Variants in ACMSD observed in about 807,000 individuals in gnomAD.
ACMSD encodes the protein 2-amino-3-carboxymuconate-6-semialdehyde decarboxylase.
A neutral mutation model predicts 45.9 loss-of-function variants in ACMSD; 37 were observed. The ratio of observed to expected loss-of-function variants is 0.81; its 90% confidence interval spans 0.62 to 1.06. The LOEUF is 1.06. Among genes scored for constraint, ACMSD ranks in the 50% least tolerant of loss-of-function variants. ACMSD has a pLI of 0.00. For synonymous variants in ACMSD, 138 were observed against 148.8 expected (o/e 0.93, Z 0.53); for missense variants, 434 against 420.9 (o/e 1.03, Z -0.27).
chr2:134,894,947 C>T (rs1032095460), intron 8 of ACMSD, among the ~76,000 whole-genome samples: 10 of 151,942 alleles, frequency 6.6e-5, no homozygotes, highest in East Asian at 5.8e-4. Flanking sequence ...ATGAATAATC[C>T]ATAAATGAAA....
chr2:134,880,689 T>G (rs932464362), intron 8 of ACMSD, among the ~76,000 whole-genome samples: 1 of 152,160 alleles, frequency 6.6e-6, no homozygotes. Flanking sequence ...TGATTATCCC[T>G]GCAAGTCTTC....
chr2:134,878,753 A>C (rs911433851), intron 8 of ACMSD, among the ~76,000 whole-genome samples: 1 of 152,172 alleles, frequency 6.6e-6, no homozygotes, highest in African/African-American at 2.4e-5. Flanking sequence ...CCAAAGGTTT[A>C]CTTTCCTTTT....
chr2:134,848,704 G>A (rs1221848446), intron 2 of ACMSD, among the ~76,000 whole-genome samples: 1 of 152,004 alleles, frequency 6.6e-6, no homozygotes, highest in Non-Finnish European at 1.5e-5. Context: ...GATTGCAAAA[G>A]CTTCCTCCCA....
intron 8 of ACMSD, among the ~76,000 whole-genome samples, chr2:134,881,239 G>A (rs913948259): frequency 6.6e-6 from 1 of 152,222 alleles, no homozygotes; most frequent in African/African-American, 2.4e-5. Context: ...GACCTCAGGT[G>A]ATCTGCCTGC....
rs1553513364 is a variant in ACMSD at position 134,871,125 on chromosome 2, G to A, written c.676+65G>A. 19 of 1,368,192 alleles carry A rather than the reference G, an allele frequency of 1.4e-5. No individual in the cohort carries two copies. In the South Asian group the frequency reaches 1.4e-4, roughly 10 times the overall value. The allele number at this position is 1,368,192 out of a possible 1,614,324, so 84.8% of individuals were successfully genotyped here. A position where few individuals can be genotyped will look rare whatever the true frequency, so the allele number is the denominator to read the frequency against. On this transcript the variant is annotated intron_variant, in intron 7 of 9. Transcript: ENST00000356140. Reference sequence around the variant, plus strand: ...ACAAAATCCCACAGATGGGGTGACTGTAAGAAAACAGAAATTTATTTTCTC... The same window carrying A: ...ACAAAATCCCACAGATGGGGTGACTATAAGAAAACAGAAATTTATTTTCTC...
intron 2 of ACMSD, among the ~76,000 whole-genome samples, chr2:134,846,509 TCCTCCCA>T (rs1276477966): frequency 6.6e-6 from 1 of 152,148 alleles, no homozygotes; most frequent in Non-Finnish European, 1.5e-5. Flanking sequence ...GTTTAAGTGA[TCCTCCCA>T]CCTCAGCTTC....
intron 2 of ACMSD, among the ~76,000 whole-genome samples, chr2:134,850,520 G>T (rs1014429280): frequency 2.6e-5 from 4 of 152,090 alleles, no homozygotes; most frequent in African/African-American, 9.7e-5. Flanking sequence ...CACCTGCTTC[G>T]TCCCCCCAGA....
At chr2:134,891,301 T>G (rs1559068771) in intron 8 of ACMSD, among the ~76,000 whole-genome samples, 1 of 152,120 alleles carries the variant, frequency 6.6e-6, no homozygotes, top group Admixed American at 6.6e-5. Context: ...CATCTTCAGT[T>G]GATTTTTATA....
chr2:134,891,874 T>G (rs1689804419), intron 8 of ACMSD, among the ~76,000 whole-genome samples: 1 of 152,158 alleles, frequency 6.6e-6, no homozygotes, highest in South Asian at 2.1e-4. Flanking sequence ...GTCATATATA[T>G]GCACAATGGA....
At chr2:134,886,350 G>A (rs368499770) in intron 8 of ACMSD, among the ~76,000 whole-genome samples, 1 of 148,108 alleles carries the variant, frequency 6.8e-6, no homozygotes, top group East Asian at 2.0e-4. Flanking sequence ...CCGGGTTCAC[G>A]CCATTCTCCT....
At chr2:134,874,063 C>A (rs957487560) in intron 8 of ACMSD, among the ~76,000 whole-genome samples, 1 of 152,202 alleles carries the variant, frequency 6.6e-6, no homozygotes, top group African/African-American at 2.4e-5. Flanking sequence ...ACTATCAGCA[C>A]CTTCAGCGAG....
At chr2:134,891,445 C>T (rs1298912265) in intron 8 of ACMSD, among the ~76,000 whole-genome samples, 1 of 151,910 alleles carries the variant, frequency 6.6e-6, no homozygotes, top group African/African-American at 2.4e-5. Flanking sequence ...AGACACACTT[C>T]AAAAGAAGAC....
Position 134,872,460 on chromosome 2 carries a change from T to G in ACMSD, c.677-9T>G. 6.2e-7 allele frequency: 1 copy of G among 1,614,156 alleles called. No individual in the cohort carries two copies. On this transcript the variant is annotated splice_polypyrimidine_tract_variant and intron_variant, in intron 7 of 9. Transcript: ENST00000356140. ...ACACTAGCCCCTCAGTAATGGGTTT[T>G]ACTTGCAGGTGGTGCCTTCCCCTTC...
In ACMSD at chr2:134,862,147, G is replaced by C. The variant is rs1687878397; in HGVS notation, c.249+129G>C. 6 of 974,516 alleles carry C rather than the reference G, an allele frequency of 6.2e-6. No individual in the cohort carries two copies. In the East Asian group the frequency reaches 1.4e-4, roughly 23 times the overall value. The allele number at this position is 974,516 out of a possible 1,614,324, so 60.4% of individuals were successfully genotyped here. On this transcript the variant is annotated intron_variant, in intron 4 of 9. Coordinates refer to ENST00000356140, the MANE Select transcript of ACMSD (RefSeq NM_138326.3). ...CCCCCAACAACTGTCCTCCCCTTTA[G>C]CGATCAGCAGGGTCCCCTCTCAGGC...
In ACMSD at chr2:134,863,539, T is replaced by C. The variant is rs769991233; in HGVS notation, c.394T>C (p.Cys132Arg). The change falls in exon 5 of 10, where the codon TGT becomes CGT. Residue 132 changes from cysteine to arginine, a missense_variant. Transcript: ENST00000356140. ...PELAVKEMER[C>R]VKELGFPGVQ... ...GCTGGCGGTCAAGGAGATGGAGCGC[T>C]GTGTGAAAGAGCTGGGCTTTCCCGG... is the stretch of plus-strand genomic sequence containing the variant. The C allele has an allele frequency of 8.7e-6, 14 of 1,614,104 alleles. No homozygotes were observed. The South Asian group carries it at 1.5e-4, about 18-fold the overall frequency.
intron 8 of ACMSD, among the ~76,000 whole-genome samples, chr2:134,897,603 C>T (rs140510846): frequency 1.3e-5 from 2 of 152,050 alleles, no homozygotes; most frequent in East Asian, 3.9e-4. Context: ...GATAAATTGC[C>T]ATTATTGACA....
chr2:134,869,444 C>G (rs1004982305), intron 6 of ACMSD, among the ~76,000 whole-genome samples: 1 of 152,076 alleles, frequency 6.6e-6, no homozygotes, highest in Non-Finnish European at 1.5e-5. Context: ...AACTCCTGAC[C>G]TCAAGTGATC....
intron 8 of ACMSD, among the ~76,000 whole-genome samples, chr2:134,892,629 T>C (rs1689863090): frequency 6.6e-6 from 1 of 152,148 alleles, no homozygotes. Flanking sequence ...TAAATCCATC[T>C]GGAAGCCTAG....
Position 134,867,471 on chromosome 2 carries a change from G to A in ACMSD, c.487-108G>A, listed in dbSNP as rs1171119431. 43 of 753,506 alleles carry A rather than the reference G, an allele frequency of 5.7e-5. No individual in the cohort carries two copies. The East Asian group carries it at 1.1e-3, about 19-fold the overall frequency. The allele number at this position is 753,506 out of a possible 1,614,324, so 46.7% of individuals were successfully genotyped here. On this transcript the variant is annotated intron_variant, in intron 5 of 9. Transcript: ENST00000356140. ...ACTTAAAAAGCATTTTAGTTTATTT[G>A]TGCAGACCAATATAGACTCAGAGAA...
Sources: gnomAD v4.1 joint callset for allele counts (sites outside exome capture counted in the v4.1 genomes callset) on GRCh38, gnomAD v4.1.1 for gene constraint, MANE v1.5 for transcripts, NCBI Gene and HGNC (gene_info 2026-07-23, HGNC 2026-07-21) for gene names.